Variants in CFAP20DC observed in about 807,000 individuals in gnomAD.
The protein encoded by CFAP20DC is CFAP20 domain containing, also known as protein CFAP20DC.
A neutral mutation model predicts 101.7 loss-of-function variants in CFAP20DC; 84 were observed. That is an observed-to-expected ratio of 0.83 (90% CI 0.69 to 0.99). CFAP20DC has a LOEUF of 0.99. Ranked by LOEUF, CFAP20DC falls within the 50% of genes least tolerant of loss-of-function variation. The pLI is 0.00. For missense variants in CFAP20DC, 1,007 were observed against 970.3 expected, an observed-to-expected ratio of 1.04 and a Z score of -0.50; for synonymous variants, 359 against 351.2, an observed-to-expected ratio of 1.02 and a Z score of -0.25.
At chr3:58,789,665 C>A (rs1384055072) in intron 15 of CFAP20DC, among the ~76,000 whole-genome samples, 2 of 151,970 alleles carry the variant, frequency 1.3e-5, no homozygotes, top group Non-Finnish European at 2.9e-5. Context: ...TGTAACACTT[C>A]AGTTAATGAA....
At chr3:58,820,812 C>G (rs929664397) in intron 14 of CFAP20DC, among the ~76,000 whole-genome samples, 2 of 148,178 alleles carry the variant, frequency 1.3e-5, no homozygotes, top group African/African-American at 5.1e-5. Flanking sequence ...TCATATGGAA[C>G]CAAAAAAGAG....
rs2082933795 is a variant in CFAP20DC at position 58,899,236 on chromosome 3, G to A, written c.550+14472C>T. 6.6e-6 allele frequency among the ~76,000 whole-genome samples: 1 copy of A among 152,222 alleles called. No individual in the cohort carries two copies. The highest frequency in any genetic ancestry group is 1.5e-5 in the Non-Finnish European group (1 of 68,040). On this transcript the variant is annotated intron_variant, in intron 6 of 16. Coordinates refer to ENST00000482387, the MANE Select transcript of CFAP20DC (RefSeq NM_001394063.1). The surrounding 1 kb of genome is among the most constrained non-coding windows in gnomAD (Gnocchi z 5.0). ...GTAGTGCAGCTGTGCTGCGTTGTGG[G>A]AGACCCTTCCTTGTCCAGGCTGTCT... is the stretch of plus-strand genomic sequence containing the variant.
chr3:58,716,529 C>T (rs1311216966), downstream of CFAP20DC, among the ~76,000 whole-genome samples: 1 of 152,090 alleles, frequency 6.6e-6, no homozygotes, highest in African/African-American at 2.4e-5. Context: ...AACATGGTGG[C>T]CTGTTCAAGT....
chr3:58,992,701 G>A (rs935470786), intron 4 of CFAP20DC: 1 of 254,872 alleles, frequency 3.9e-6, no homozygotes, highest in Non-Finnish European at 6.2e-6. Flanking sequence ...TTTTAATGAA[G>A]ACATTATATA....
At chr3:58,985,870 T>C (rs962533216) in intron 4 of CFAP20DC, among the ~76,000 whole-genome samples, 1 of 152,232 alleles carries the variant, frequency 6.6e-6, no homozygotes, top group Non-Finnish European at 1.5e-5. Context: ...GGGAATTATT[T>C]CTTATTCATC....
At chr3:58,818,553 C>A (rs2075373141) in intron 14 of CFAP20DC, among the ~76,000 whole-genome samples, 1 of 149,674 alleles carries the variant, frequency 6.7e-6, no homozygotes. Context: ...AAGGCCATTA[C>A]ATAATGGTAA....
At chr3:58,769,491 C>A (rs565535062) in intron 15 of CFAP20DC, among the ~76,000 whole-genome samples, 2 of 152,214 alleles carry the variant, frequency 1.3e-5, no homozygotes, top group East Asian at 3.9e-4. Context: ...TGAATGAATG[C>A]TCTCAGGAGG....
chr3:58,807,592 G>A (rs1013968171), intron 14 of CFAP20DC, among the ~76,000 whole-genome samples: 2 of 152,122 alleles, frequency 1.3e-5, no homozygotes, highest in African/African-American at 2.4e-5. Context: ...AAGACCAAAA[G>A]TAGATAAAAC....
At chr3:58,810,074 C>T (rs542310336) in intron 14 of CFAP20DC, among the ~76,000 whole-genome samples, 2 of 152,114 alleles carry the variant, frequency 1.3e-5, no homozygotes, top group Admixed American at 1.3e-4. Context: ...GCTTACCAAT[C>T]AAAAAGAATC....
chr3:58,819,407 A>G (rs943374893), intron 14 of CFAP20DC, among the ~76,000 whole-genome samples: 10 of 152,008 alleles, frequency 6.6e-5, no homozygotes, highest in African/African-American at 2.2e-4. Flanking sequence ...AGACTAATAA[A>G]GAAAAAAAGA....
intron 7 of CFAP20DC, 91 bp from the exon 8 acceptor site, chr3:58,870,400 C>T: frequency 7.7e-7 from 1 of 1,304,060 alleles, no homozygotes; most frequent in South Asian, 1.3e-5. Flanking sequence ...AGTCCAGGTG[C>T]CATAGGATCC....
At chr3:58,716,264 C>T (rs950870181), downstream of CFAP20DC, among the ~76,000 whole-genome samples, 1 of 149,228 alleles carries the variant, frequency 6.7e-6, no homozygotes, top group Non-Finnish European at 1.5e-5. Flanking sequence ...CGGGTTCACG[C>T]CATTCTCCTG....
intron 4 of CFAP20DC, among the ~76,000 whole-genome samples, chr3:58,939,418 T>G (rs952756258): frequency 2.0e-5 from 3 of 152,208 alleles, no homozygotes; most frequent in African/African-American, 4.8e-5. Context: ...AAAGGGCTAC[T>G]GTGCTTTCAT....
rs558958620 is a variant in CFAP20DC, at chr3:58,912,133, T to C, written c.550+1575A>G. Among the ~76,000 whole-genome samples the C allele has an allele frequency of 6.6e-6, 1 of 152,264 alleles. No individual in the cohort carries two copies. Among genetic ancestry groups the C allele is most frequent in the African/African-American group, 2.4e-5 (1 of 41,564 alleles). ...TGGATTTATGCCTTTTTTATTCCTA[T>C]ATAGTAATTTCAGTGGAGCTTGAGG... On this transcript the variant is annotated intron_variant, in intron 6 of 16. Coordinates refer to ENST00000482387, the MANE Select transcript of CFAP20DC (RefSeq NM_001394063.1). This position sits in a 1 kb window ranked among gnomAD's most constrained non-coding sequence, Gnocchi z 4.4.
chr3:58,970,356 AG>A (rs1394527773), intron 4 of CFAP20DC: 1 of 152,174 alleles, frequency 6.6e-6, no homozygotes, highest in African/African-American at 2.4e-5. Context: ...CTTTATAAAT[AG>A]GGGGAAATCT....
intron 15 of CFAP20DC, among the ~76,000 whole-genome samples, chr3:58,787,294 T>A (rs1049682674): frequency 1.6e-5 from 2 of 123,552 alleles, no homozygotes; most frequent in African/African-American, 3.2e-5. Context: ...AACAATGAGA[T>A]CACATGGACA....
chr3:58,770,503 G>T (rs1348977606), intron 15 of CFAP20DC, among the ~76,000 whole-genome samples: 1 of 152,152 alleles, frequency 6.6e-6, no homozygotes, highest in Admixed American at 6.5e-5. Flanking sequence ...AATAGTTCAG[G>T]GAAGGCTTTC....
intron 5 of CFAP20DC, among the ~76,000 whole-genome samples, chr3:58,932,932 T>A (rs2086930565): frequency 6.6e-6 from 1 of 152,080 alleles, no homozygotes; most frequent in Admixed American, 6.5e-5. Flanking sequence ...AATATCAACT[T>A]TAAATGTAAA....
downstream of CFAP20DC, among the ~76,000 whole-genome samples, chr3:58,740,555 G>C (rs753734029): frequency 5.3e-5 from 8 of 152,150 alleles, no homozygotes; most frequent in South Asian, 1.0e-3. The surrounding 1 kb of genome is among the most constrained non-coding windows in gnomAD (Gnocchi z 4.6). Context: ...AAGGGTGTCT[G>C]TTGCTTGCAA....
Sources: allele counts gnomAD v4.1 joint callset (sites outside exome capture counted in the v4.1 genomes callset), GRCh38; gene constraint gnomAD v4.1.1; non-coding constraint Gnocchi (gnomAD v3.1); transcripts MANE v1.5; gene names NCBI Gene and HGNC (gene_info 2026-07-23, HGNC 2026-07-21).